NT5DC1: variants seen among roughly 807,000 people sequenced by gnomAD.
NT5DC1 encodes the protein 5'-nucleotidase domain containing 1, also known as 5'-nucleotidase domain-containing protein 1.
A neutral mutation model predicts 59.4 loss-of-function variants in NT5DC1; 42 were observed. The ratio of observed to expected loss-of-function variants is 0.71; its 90% CI spans 0.55 to 0.92. NT5DC1 has a LOEUF of 0.92. NT5DC1 is among the 40% of genes least tolerant of loss of function. The probability of loss-of-function intolerance (pLI) is 0.00; values close to 1 mark genes in which losing one functional copy is unlikely to be tolerated. For missense variants in NT5DC1, 501 were observed against 537.1 expected (o/e 0.93, Z 0.66); for synonymous variants, 172 against 188.1 (o/e 0.91, Z 0.70).
intron 8 of NT5DC1, among the ~76,000 whole-genome samples, chr6:116,230,662 TCCTACCTCTTATTTAA>T (rs1782001278): frequency 6.6e-6 from 1 of 152,182 alleles, no homozygotes; most frequent in Non-Finnish European, 1.5e-5. Context: ...TCTGGTGACT[TCCTACCTCTTATTTAA>T]GGTCAGACAT....
At chr6:116,104,367 C>T (rs148087976) in intron 1 of NT5DC1, among the ~76,000 whole-genome samples, 10 of 152,286 alleles carry the variant, frequency 6.6e-5, no homozygotes, top group Non-Finnish European at 1.2e-4. Flanking sequence ...CAGGAGAATT[C>T]AAGTGTTTTA....
intron 6 of NT5DC1, among the ~76,000 whole-genome samples, chr6:116,218,023 A>G (rs1781719870): frequency 6.6e-6 from 1 of 152,138 alleles, no homozygotes; most frequent in South Asian, 2.1e-4. Context: ...ACCATTGGGT[A>G]TGTGTTTGTA....
intron 6 of NT5DC1, among the ~76,000 whole-genome samples, chr6:116,177,123 T>C (rs1013385663): frequency 2.0e-5 from 3 of 152,220 alleles, no homozygotes; most frequent in African/African-American, 7.2e-5. Context: ...TAGTGTCTCA[T>C]AGAGTGAATT....
chr6:116,119,841 C>A, intron 6 of NT5DC1: 1 of 471,728 alleles, frequency 2.1e-6, no homozygotes, highest in Non-Finnish European at 3.8e-6. Flanking sequence ...TTGGAGAAAA[C>A]CTTAAAGAGC....
intron 5 of NT5DC1, 79 bp downstream of exon 5, chr6:116,115,849 A>G (rs9488838): frequency 0.017 from 11,584 of 692,228 alleles, 729 homozygotes; most frequent in African/African-American, 0.15. Context: ...ATTGCTTCTG[A>G]GTTGTGATTT....
chr6:116,187,024 C>T (rs1781016094), intron 6 of NT5DC1, among the ~76,000 whole-genome samples: 1 of 151,978 alleles, frequency 6.6e-6, no homozygotes, highest in Non-Finnish European at 1.5e-5. Flanking sequence ...GACTCAAGGG[C>T]TACCGTTCAG....
rs1340751122 is a variant in NT5DC1 at position 116,239,082 on chromosome 6, C to T, written c.1211C>T (p.Thr404Ile). The T allele has an allele frequency of 1.2e-6, 2 of 1,612,498 alleles. No individual in the cohort carries two copies. Among genetic ancestry groups the T allele is most frequent in the Non-Finnish European group, 1.7e-6 (2 of 1,179,092 alleles). ...ACATGGTCTTGTAAGAGAATCAGTA[C>T]TTACAGCACTATTGCAATTCCAAGT... is the stretch of plus-strand genomic sequence containing the variant. ...VYTWSCKRIS[T>I]YSTIAIPSIE... Residue 404 changes from threonine to isoleucine, a missense_variant, in exon 11 of 12, where the codon ACT (threonine) becomes ATT (isoleucine). Physicochemically the swap from Thr to Ile is moderately conservative, Grantham distance 89. Coordinates refer to ENST00000319550, the MANE Select transcript of NT5DC1 (RefSeq NM_152729.3).
At chr6:116,195,406 A>G (rs756765914) in intron 6 of NT5DC1, among the ~76,000 whole-genome samples, 3 of 151,948 alleles carry the variant, frequency 2.0e-5, no homozygotes, top group Non-Finnish European at 4.4e-5. Context: ...TATTAAATTA[A>G]CTTTTTTTTT....
chr6:116,216,630 T>G (rs1273571361), intron 6 of NT5DC1, among the ~76,000 whole-genome samples: 3 of 151,914 alleles, frequency 2.0e-5, no homozygotes, highest in Non-Finnish European at 4.4e-5. Context: ...AATCTAGATA[T>G]TCTAGATTTA....
At chr6:116,236,186 A>G (rs1421666693) in intron 8 of NT5DC1, among the ~76,000 whole-genome samples, 1 of 152,224 alleles carries the variant, frequency 6.6e-6, no homozygotes, top group African/African-American at 2.4e-5. Flanking sequence ...TCTCCATACA[A>G]TTTGCAAAGC....
intron 6 of NT5DC1, among the ~76,000 whole-genome samples, chr6:116,172,326 T>C (rs1232883363): frequency 6.8e-6 from 1 of 146,810 alleles, no homozygotes; most frequent in African/African-American, 2.5e-5. Flanking sequence ...ACTTTTTTTT[T>C]TTTTTTTTTT....
intron 6 of NT5DC1, among the ~76,000 whole-genome samples, chr6:116,153,812 A>G (rs1340317738): frequency 6.6e-6 from 1 of 152,148 alleles, no homozygotes; most frequent in Non-Finnish European, 1.5e-5. Flanking sequence ...TGATAAACTG[A>G]GTATTGTTTC....
chr6:116,132,396 A>G (rs1196321520), intron 6 of NT5DC1, among the ~76,000 whole-genome samples: 2 of 152,032 alleles, frequency 1.3e-5, no homozygotes, highest in Non-Finnish European at 2.9e-5. Flanking sequence ...TACATGTTCT[A>G]TAACTTAAAC....
intron 6 of NT5DC1, among the ~76,000 whole-genome samples, chr6:116,134,757 G>GT (rs1248801471): frequency 6.6e-6 from 1 of 152,176 alleles, no homozygotes; most frequent in Non-Finnish European, 1.5e-5. Context: ...TGCTGTTCTA[G>GT]TAAGTGTGTA....
intron 11 of NT5DC1, among the ~76,000 whole-genome samples, chr6:116,240,547 A>T (rs778304524): frequency 2.0e-5 from 3 of 152,106 alleles, no homozygotes; most frequent in Non-Finnish European, 4.4e-5. Flanking sequence ...GTCCCAGGAG[A>T]TGAGAGAATA....
At chr6:116,169,366 C>T (rs1780554792) in intron 6 of NT5DC1, among the ~76,000 whole-genome samples, 2 of 152,146 alleles carry the variant, frequency 1.3e-5, no homozygotes, top group South Asian at 2.1e-4. Context: ...AAAATGAAAA[C>T]ATGTTATAGT....
intron 8 of NT5DC1, among the ~76,000 whole-genome samples, chr6:116,225,923 C>T (rs1480798078): frequency 6.6e-6 from 1 of 152,040 alleles, no homozygotes; most frequent in Non-Finnish European, 1.5e-5. Flanking sequence ...TTTTGGTTGT[C>T]GCAACTTTGG....
chr6:116,121,249 T>C, intron 6 of NT5DC1: 1 of 1,613,854 alleles, frequency 6.2e-7, no homozygotes, highest in Non-Finnish European at 8.5e-7. Flanking sequence ...GGGGCCCAGC[T>C]ATTCCTGGAG....
chr6:116,144,366 T>C lies in NT5DC1; in HGVS notation c.529+26421T>C, dbSNP rs186943769. 1.5e-3 allele frequency among the ~76,000 whole-genome samples: 229 copies of C among 152,180 alleles called. 1 individual carries two copies. The highest frequency in any genetic ancestry group is 0.014 in the Middle Eastern group (4 of 294). On this transcript the variant is annotated intron_variant, in intron 6 of 11. Transcript: ENST00000319550. ...AATACAAAAAATTAGCTGGGCGTGATGGTGCACGCCTGTAGTCCCAGCTAC... is the reference window on the plus strand; with the variant it reads ...AATACAAAAAATTAGCTGGGCGTGACGGTGCACGCCTGTAGTCCCAGCTAC...
Sources: gnomAD v4.1 joint callset for allele counts (sites outside exome capture counted in the v4.1 genomes callset) on GRCh38, gnomAD v4.1.1 for gene constraint, MANE v1.5 for transcripts, NCBI Gene and HGNC (gene_info 2026-07-23, HGNC 2026-07-21) for gene names.